Variants in TRPS1 observed in about 807,000 individuals in gnomAD.
TRPS1 encodes the protein zinc finger transcription factor Trps1.
TRPS1 carries 6 observed loss-of-function variants against 101.2 expected under a neutral mutation model. The ratio of observed to expected loss-of-function variants is 0.06; its 90% CI spans 0.03 to 0.12. The LOEUF is 0.12. TRPS1 is among the 10% of genes least tolerant of loss of function. The pLI is 1.00. For synonymous variants in TRPS1, 578 were observed against 589.8 expected, an observed-to-expected ratio of 0.98 and a Z score of 0.29; for missense variants, 1,363 against 1,567.0, an observed-to-expected ratio of 0.87 and a Z score of 2.20.
chr8:115,509,329 C>T (rs1009725414), intron 5 of TRPS1, among the ~76,000 whole-genome samples: 1 of 151,828 alleles, frequency 6.6e-6, no homozygotes, highest in Non-Finnish European at 1.5e-5. Flanking sequence ...CTGTTAAGTG[C>T]TAGGAATGTT....
intron 5 of TRPS1, among the ~76,000 whole-genome samples, chr8:115,525,243 C>T (rs961285106): frequency 6.6e-6 from 1 of 152,028 alleles, no homozygotes; most frequent in Admixed American, 6.6e-5. Flanking sequence ...TCATAAGATA[C>T]AGAAAACCTA....
chr8:115,495,941 T>C (rs1815138286), intron 5 of TRPS1, among the ~76,000 whole-genome samples: 1 of 152,182 alleles, frequency 6.6e-6, no homozygotes, highest in African/African-American at 2.4e-5. Context: ...TGGAGTCCCT[T>C]AGTCTTCTTC....
At chr8:115,482,514 T>A (rs1814779353) in intron 5 of TRPS1, among the ~76,000 whole-genome samples, 1 of 152,186 alleles carries the variant, frequency 6.6e-6, no homozygotes, top group African/African-American at 2.4e-5. Flanking sequence ...AATGACTACA[T>A]CTTCTCTGGC....
chr8:115,430,466 T>C lies in TRPS1; in HGVS notation c.2701-12014A>G, dbSNP rs543100532. Reference sequence around the variant, plus strand: ...TGGAGTGTGTGTGTGTGTGTGTGTGTACACATACAAGCATTATGCTTTAAG... The same window carrying C: ...TGGAGTGTGTGTGTGTGTGTGTGTGCACACATACAAGCATTATGCTTTAAG... On this transcript the variant is annotated intron_variant, in intron 5 of 6. Transcript: ENST00000395715. Among the ~76,000 whole-genome samples the C allele has an allele frequency of 2.6e-5, 4 of 152,138 alleles. No homozygotes were observed. The South Asian group carries it at 8.3e-4, about 32-fold the overall frequency.
intron 5 of TRPS1, among the ~76,000 whole-genome samples, chr8:115,553,779 ATAAATT>A (rs1460920981): frequency 6.6e-6 from 1 of 152,152 alleles, no homozygotes; most frequent in African/African-American, 2.4e-5. Flanking sequence ...ATAGAGGTAA[ATAAATT>A]TATATTAGAC....
chr8:115,588,356 AT>A (rs1253714037), intron 4 of TRPS1, among the ~76,000 whole-genome samples: 3 of 152,226 alleles, frequency 2.0e-5, no homozygotes, highest in Admixed American at 6.5e-5. Context: ...AACAAATTCT[AT>A]CCATCTATGA....
At chr8:115,419,887 C>T (rs79858149) in intron 5 of TRPS1, among the ~76,000 whole-genome samples, 10 of 152,230 alleles carry the variant, frequency 6.6e-5, no homozygotes, top group African/African-American at 9.6e-5. Flanking sequence ...CTCTAACATT[C>T]GACATCCTCC....
At chr8:115,507,267 C>G (rs2130171482) in intron 5 of TRPS1, among the ~76,000 whole-genome samples, 1 of 152,100 alleles carries the variant, frequency 6.6e-6, no homozygotes, top group Middle Eastern at 3.4e-3. Flanking sequence ...GGGGCTGGAA[C>G]AAATAAGTTA....
intron 5 of TRPS1, among the ~76,000 whole-genome samples, chr8:115,457,628 C>T (rs1814062710): frequency 6.6e-6 from 1 of 151,976 alleles, no homozygotes; most frequent in Non-Finnish European, 1.5e-5. Flanking sequence ...GTGTATTTCA[C>T]CACAATAAAA....
chr8:115,638,282 T>C (rs921704200), intron 1 of TRPS1, among the ~76,000 whole-genome samples: 1 of 143,794 alleles, frequency 7.0e-6, no homozygotes, highest in African/African-American at 3.0e-5. Flanking sequence ...AGACAGAGTT[T>C]GTTTTTGAAG....
intron 1 of TRPS1, among the ~76,000 whole-genome samples, chr8:115,639,098 C>T (rs1225905295): frequency 1.3e-5 from 2 of 152,178 alleles, no homozygotes; most frequent in African/African-American, 4.8e-5. Flanking sequence ...GGGTCTTGCT[C>T]TGTTGTCCCA....
At chr8:115,524,645 TC>T (rs1270934116) in intron 5 of TRPS1, among the ~76,000 whole-genome samples, 1 of 152,094 alleles carries the variant, frequency 6.6e-6, no homozygotes, top group African/African-American at 2.4e-5. Flanking sequence ...AAGAGTAATA[TC>T]AGAAAAGGCA....
chr8:115,499,959 C>CTTTCTTTCTTTTCT (rs1554578307), intron 5 of TRPS1, among the ~76,000 whole-genome samples: 2 of 60,126 alleles, frequency 3.3e-5, no homozygotes, highest in Non-Finnish European at 1.0e-4. Context: ...TTCTTTCTTT[C>CTTTCTTTCTTTTCT]TTTCTTTTCT....
intron 1 of TRPS1, among the ~76,000 whole-genome samples, chr8:115,635,492 G>C (rs1490095494): frequency 6.6e-6 from 1 of 152,158 alleles, no homozygotes; most frequent in African/African-American, 2.4e-5. Context: ...GTAAAGTGTT[G>C]AGTAAGGTGC....
intron 5 of TRPS1, among the ~76,000 whole-genome samples, chr8:115,444,199 G>T (rs1434126590): frequency 1.3e-5 from 2 of 152,166 alleles, no homozygotes; most frequent in Non-Finnish European, 2.9e-5. Flanking sequence ...TTACCATCAT[G>T]TCTGGTGTCC....
chr8:115,659,318 C>T (rs1811742830), intron 1 of TRPS1, among the ~76,000 whole-genome samples: 1 of 151,700 alleles, frequency 6.6e-6, no homozygotes, highest in Non-Finnish European at 1.5e-5. Context: ...GCAAATTTTG[C>T]AATAATCTTC....
intron 1 of TRPS1, among the ~76,000 whole-genome samples, chr8:115,647,866 A>T (rs1386961509): frequency 6.6e-6 from 1 of 151,826 alleles, no homozygotes; most frequent in Non-Finnish European, 1.5e-5. Flanking sequence ...ATCATTTTAA[A>T]TTTTTTTGTA....
chr8:115,620,842 A>C (rs1818377305), intron 2 of TRPS1, among the ~76,000 whole-genome samples: 1 of 152,206 alleles, frequency 6.6e-6, no homozygotes, highest in Non-Finnish European at 1.5e-5. Flanking sequence ...TGGGGAACCT[A>C]ATAAGCTCTG....
At chr8:115,492,488 T>TGTGC (rs1563549705) in intron 5 of TRPS1, among the ~76,000 whole-genome samples, 2 of 75,742 alleles carry the variant, frequency 2.6e-5, no homozygotes, top group East Asian at 5.4e-4. Flanking sequence ...TGTGCGTGCG[T>TGTGC]GTGCGTGTTC....
Sources: allele counts gnomAD v4.1 joint callset (sites outside exome capture counted in the v4.1 genomes callset), GRCh38; gene constraint gnomAD v4.1.1; transcripts MANE v1.5; gene names NCBI Gene and HGNC (gene_info 2026-07-23, HGNC 2026-07-21).